GNL3L: variants seen among roughly 807,000 people sequenced by gnomAD.
The protein encoded by GNL3L is G protein nucleolar 3 like, also known as guanine nucleotide-binding protein-like 3-like protein.
In GNL3L, 4 loss-of-function variants were observed where a neutral mutation model predicts 42.9. The observed-to-expected ratio is 0.09, with a 90% CI of 0.05 to 0.21. The LOEUF (loss-of-function observed/expected upper bound fraction) is 0.21. Ranked by LOEUF, GNL3L falls within the 10% of genes least tolerant of loss-of-function variation. The probability of loss-of-function intolerance (pLI) is 1.00; values close to 1 mark genes in which losing one functional copy is unlikely to be tolerated. For synonymous variants in GNL3L, 159 were observed against 176.3 expected (o/e 0.90, Z 0.78); for missense variants, 412 against 481.7 (o/e 0.86, Z 1.36).
rs1225266770 is a variant in GNL3L at position 54,563,593 on chromosome X, A to G, written c.*2991A>G. 9.1e-6 allele frequency among the ~76,000 whole-genome samples: 1 copy of G among 110,189 alleles called. No homozygotes were observed. The highest frequency in any genetic ancestry group is 3.4e-5 in the African/African-American group (1 of 29,784). On this transcript the variant is annotated 3_prime_UTR_variant, in exon 16 of 16. Transcript: ENST00000360845. ...GAGGTCAGGAGTTCAAGACCAGCCT[A>G]AACAATATGGCGAAACCTCATCTCT...
the GNL3L span, among the ~76,000 whole-genome samples, chrX:54,630,689 C>T: frequency 0.081 from 38 of 467 alleles, no homozygotes; most frequent in Non-Finnish European, 0.1. Flanking sequence ...TTCCTTCCTT[C>T]CTTCCTTCCT....
Position 54,540,262 on chromosome X carries a change from G to T in GNL3L, c.189+20G>T, listed in dbSNP as rs757343249. ...AAGTGGGTAAGCTTTTTGCCTTGGT[G>T]GGGAGAGAGAGGGCCTGCCTTGAAT... On this transcript the variant is annotated intron_variant, in intron 4 of 15. Transcript: ENST00000360845. The T allele has an allele frequency of 4.8e-6, 5 of 1,035,246 alleles. No homozygotes were observed. In the African/African-American group the frequency reaches 7.4e-5, roughly 15 times the overall value. 85.3% of individuals were successfully genotyped at this position (1,035,246 alleles called of 1,213,427 possible). A position where few individuals can be genotyped will look rare whatever the true frequency, so the allele number is the denominator to read the frequency against.
At chrX:54,621,984 T>A (rs868305999), downstream of GNL3L, among the ~76,000 whole-genome samples, 12 of 111,161 alleles carry the variant, frequency 1.1e-4, no homozygotes, top group Non-Finnish European at 2.1e-4. Context: ...ACACATACAT[T>A]TATACTTTAC....
intron 5 of GNL3L, among the ~76,000 whole-genome samples, chrX:54,541,934 T>C (rs1333543465): frequency 9.1e-6 from 1 of 110,369 alleles, no homozygotes; most frequent in Non-Finnish European, 1.9e-5. Flanking sequence ...ATCCCTCCCT[T>C]TCACACCCAT....
At chrX:54,533,239 G>A (rs1416511856) in intron 2 of GNL3L, among the ~76,000 whole-genome samples, 1 of 109,588 alleles carries the variant, frequency 9.1e-6, no homozygotes, top group Non-Finnish European at 1.9e-5. Flanking sequence ...GATTAAGAGC[G>A]TGCCTGTAAT....
At chrX:54,642,962 C>T in the GNL3L span, among the ~76,000 whole-genome samples, 1 of 112,002 alleles carries the variant, frequency 8.9e-6, no homozygotes, top group Non-Finnish European at 1.9e-5. Flanking sequence ...TCTCCTAATA[C>T]CAATCTCCAG....
intron 16 of GNL3L, among the ~76,000 whole-genome samples, chrX:54,576,625 C>A (rs1925637788): frequency 9.1e-6 from 1 of 110,290 alleles, no homozygotes; most frequent in South Asian, 3.9e-4. Flanking sequence ...CACCACCATG[C>A]CTGGGTGATT....
Position 54,554,565 on chromosome X carries a change from G to C in GNL3L, c.1319G>C (p.Cys440Ser), listed in dbSNP as rs1925029063. 2 of 1,208,853 alleles carry C rather than the reference G, an allele frequency of 1.7e-6. No individual in the cohort carries two copies. The highest frequency in any genetic ancestry group is 2.2e-6 in the Non-Finnish European group (2 of 893,258). ...TEQANEDTMECLATGESDELL... is the reference protein window; with the variant it reads ...TEQANEDTMESLATGESDELL... Reference sequence around the variant, plus strand: ...GACAGTGGTGTTGGTTGTGTTAAAGGCTTGGCCACCGGAGAATCTGATGAG... The same window carrying C: ...GACAGTGGTGTTGGTTGTGTTAAAGCCTTGGCCACCGGAGAATCTGATGAG... Residue 440 changes from cysteine to serine, a missense_variant and splice_region_variant, in exon 14 of 16, where the codon TGC becomes TCC. Coordinates refer to ENST00000360845, the MANE Select transcript of GNL3L (RefSeq NM_001184819.2).
intron 16 of GNL3L, among the ~76,000 whole-genome samples, chrX:54,578,716 AGCT>A (rs1338952165): frequency 8.9e-6 from 1 of 112,533 alleles, no homozygotes; most frequent in Non-Finnish European, 1.9e-5. Context: ...TGTTGAATAA[AGCT>A]GCTATCAATA....
chrX:54,537,897 C>T (rs1396054513), intron 2 of GNL3L, among the ~76,000 whole-genome samples: 1 of 110,848 alleles, frequency 9.0e-6, no homozygotes, highest in Admixed American at 9.7e-5. Flanking sequence ...GCATGCACCA[C>T]GGCACCCAGC....
rs1019204403 is a variant in GNL3L, at chrX:54,563,161, G to A, written c.*2559G>A. Among the ~76,000 whole-genome samples the A allele has an allele frequency of 1.8e-5, 2 of 111,312 alleles. No homozygotes were observed. The highest frequency in any genetic ancestry group is 3.8e-5 in the Non-Finnish European group (2 of 53,142). ...GTTATAATGAAAAATTGCATACCAG[G>A]ACAGCTAAGTCTATTTTGCAACCAT... is the stretch of plus-strand genomic sequence containing the variant. On this transcript the variant is annotated 3_prime_UTR_variant, in exon 16 of 16. Transcript: ENST00000360845.
intron 16 of GNL3L, among the ~76,000 whole-genome samples, chrX:54,587,674 T>G (rs1420652203): frequency 9.8e-6 from 1 of 102,532 alleles, no homozygotes; most frequent in African/African-American, 3.5e-5. Context: ...TAATAGGGTG[T>G]TTTTTTTTTT....
intron 16 of GNL3L, among the ~76,000 whole-genome samples, chrX:54,601,657 T>C (rs1027002019): frequency 1.8e-5 from 2 of 111,823 alleles, no homozygotes; most frequent in African/African-American, 6.5e-5. Flanking sequence ...TTAACACATA[T>C]GTAGATTGGT....
intron 8 of GNL3L, among the ~76,000 whole-genome samples, chrX:54,544,629 C>A (rs931419407): frequency 3.6e-5 from 4 of 109,719 alleles, no homozygotes; most frequent in African/African-American, 1.3e-4. Flanking sequence ...GTCACCATGC[C>A]CTGCTAATTT....
intron 16 of GNL3L, among the ~76,000 whole-genome samples, chrX:54,577,392 C>T (rs1336768987): frequency 8.9e-6 from 1 of 111,813 alleles, no homozygotes; most frequent in Non-Finnish European, 1.9e-5. Context: ...TATCACAATT[C>T]TGCTAATAAC....
chrX:54,638,103 G>A, the GNL3L span, among the ~76,000 whole-genome samples: 1 of 111,834 alleles, frequency 8.9e-6, no homozygotes, highest in Non-Finnish European at 1.9e-5. Flanking sequence ...TTTGTTTTTA[G>A]TGTCCTTCTT....
At chrX:54,606,701 T>C (rs1017951317) in intron 16 of GNL3L, among the ~76,000 whole-genome samples, 29 of 106,838 alleles carry the variant, frequency 2.7e-4, no homozygotes, top group African/African-American at 1.0e-3. Context: ...AATGTAGTGG[T>C]GCGCTCTTGG....
chrX:54,598,539 C>G (rs148325530), intron 16 of GNL3L, among the ~76,000 whole-genome samples: 6,682 of 111,842 alleles, frequency 0.06, 219 homozygotes, highest in Non-Finnish European at 0.097. Context: ...AAGCAAGTAT[C>G]AGAACCAAAC....
At chrX:54,620,444 T>C (rs972854470) in intron 16 of GNL3L, among the ~76,000 whole-genome samples, 1 of 111,966 alleles carries the variant, frequency 8.9e-6, no homozygotes, top group Non-Finnish European at 1.9e-5. Context: ...TCCAGTTCCA[T>C]GTTGTTGCAA....
Sources: gnomAD v4.1 joint callset for allele counts (sites outside exome capture counted in the v4.1 genomes callset) on GRCh38, gnomAD v4.1.1 for gene constraint, MANE v1.5 for transcripts, NCBI Gene and HGNC (gene_info 2026-07-23, HGNC 2026-07-21) for gene names.